SPINK2: variants seen among roughly 807,000 people sequenced by gnomAD.
SPINK2 encodes the protein serine peptidase inhibitor Kazal type 2, also known as serine protease inhibitor Kazal-type 2.
Under a neutral mutation model 13.5 loss-of-function variants are expected in SPINK2, and 8 were observed. The observed-to-expected ratio is 0.59, with a 90% CI of 0.35 to 1.07. The LOEUF (loss-of-function observed/expected upper bound fraction) is 1.07. SPINK2 is among the 50% of genes least tolerant of loss of function. SPINK2 has a pLI of 0.02. For synonymous variants in SPINK2, 76 were observed against 74.7 expected, an observed-to-expected ratio of 1.02 and a Z score of -0.09; for missense variants, 148 against 180.3, an observed-to-expected ratio of 0.82 and a Z score of 1.03.
chr4:56,810,975 TAG>T (rs2308295), intron 3 of SPINK2, among the ~76,000 whole-genome samples: 11,364 of 152,234 alleles, frequency 0.075, 663 homozygotes, highest in South Asian at 0.29. Flanking sequence ...CTTAGCATTC[TAG>T]ACTAAGCAGA....
At position 56,821,607 on chromosome 4, in the gene SPINK2, C is replaced by T. The variant is rs1238039592; in HGVS notation, c.56G>A (p.Gly19Asp). 1.1e-5 allele frequency: 17 copies of T among 1,549,526 alleles called. No homozygotes were observed. The highest frequency in any genetic ancestry group is 1.4e-5 in the Non-Finnish European group (16 of 1,147,508). The stretch of plus-strand genomic sequence containing the variant: ...CTCGCCAGGACCGCTCCGAGCGCTA[C>T]CTGCGAAGGTAACTGCCAGGAGCAG... ...ALLLLAVTFA[G>D]SARSGPGERG... Residue 19 changes from glycine to aspartate, a missense_variant, in exon 1 of 4, where the codon GGT becomes GAT. Coordinates refer to ENST00000506738, the MANE Select transcript of SPINK2 (RefSeq NM_001271718.2).
Position 56,821,559 on chromosome 4 carries a change from C to T in SPINK2, c.104G>A (p.Gly35Glu). 3 of 1,547,694 alleles carry T rather than the reference C, an allele frequency of 1.9e-6. No homozygotes were observed. The highest frequency in any genetic ancestry group is 1.2e-5 in the South Asian group (1 of 83,900). Residue 35 changes from glycine to glutamate, a missense_variant, in exon 1 of 4, where the codon GGG becomes GAG. By Grantham distance (98) the Gly-to-Glu change is moderately conservative (BLOSUM62 -2). Transcript: ENST00000506738. ...PGERGPPEKS[G>E]FGSQTGGGPC... Reference sequence around the variant, plus strand: ...TCCGCCGCCGGTCTGACTCCCAAACCCGCTTTTCTCCGGAGGTCCCCGCTC... The same window carrying T: ...TCCGCCGCCGGTCTGACTCCCAAACTCGCTTTTCTCCGGAGGTCCCCGCTC...
intron 2 of SPINK2, among the ~76,000 whole-genome samples, chr4:56,813,468 C>G (rs1045137507): frequency 2.0e-5 from 3 of 152,094 alleles, no homozygotes; most frequent in African/African-American, 7.2e-5. Flanking sequence ...ACTGGGCCTC[C>G]TGTTAGGAGG....
intron 2 of SPINK2, among the ~76,000 whole-genome samples, chr4:56,815,426 A>G (rs909219426): frequency 3.3e-5 from 5 of 152,116 alleles, no homozygotes; most frequent in Admixed American, 2.0e-4. Flanking sequence ...CAAAGATGAC[A>G]GAGGGGCTCA....
chr4:56,812,059 C>T (rs1312862049), intron 2 of SPINK2, among the ~76,000 whole-genome samples: 1 of 151,054 alleles, frequency 6.6e-6, no homozygotes, highest in African/African-American at 2.4e-5. Flanking sequence ...CTCCATGCCG[C>T]TAATTTTTGT....
intron 2 of SPINK2, among the ~76,000 whole-genome samples, chr4:56,817,727 G>A (rs1028477486): frequency 1.3e-5 from 2 of 151,938 alleles, no homozygotes; most frequent in East Asian, 1.9e-4. Flanking sequence ...GGCAGTGCAC[G>A]CCTGTAATCC....
intron 3 of SPINK2, 43 bp from the exon 4 acceptor site, chr4:56,810,227 T>C (rs746728344): frequency 6.6e-7 from 1 of 1,519,898 alleles, no homozygotes; most frequent in Admixed American, 1.8e-5. Flanking sequence ...TTACCTACCA[T>C]ACTGAAACTG....
In SPINK2 at chr4:56,821,624, C is replaced by T. The variant is rs1173749106; in HGVS notation, c.39G>A (p.Leu13=). Residue 13 remains leucine (L), a synonymous_variant, in exon 1 of 4, where the codon CTG becomes CTA. Transcript: ENST00000506738. ...GAGCGCTACCTGCGAAGGTAACTGC[C>T]AGGAGCAGCAGCGCCAAGCGCAGCA... ...LSVLRLALLL[L]AVTFAGSARS... 2.1e-5 allele frequency: 33 copies of T among 1,549,138 alleles called. No homozygotes were observed. Among genetic ancestry groups the T allele is most frequent in the Non-Finnish European group, 2.8e-5 (32 of 1,147,632 alleles).
rs114989645 is a variant in SPINK2 at position 56,820,569 on chromosome 4, G to A, written c.216C>T (p.Ile72=). Residue 72 remains isoleucine (I), a synonymous_variant, in exon 2 of 4, where the codon ATC becomes ATT. Transcript: ENST00000506738. ...GSPEDLPASL[I]PQFGLFSKYR... ...ATTTTGAAAACAGACCAAATTGAGG[G>A]ATCAGAGAGGCTGTAAGAAGAAAGC... The A allele has an allele frequency of 7.2e-4, 1,156 of 1,609,610 alleles. 5 individuals are homozygous for A. The African/African-American group carries it at 0.014, about 20-fold the overall frequency.
chr4:56,813,188 T>TGGC (rs1052357053), intron 2 of SPINK2, among the ~76,000 whole-genome samples: 15 of 152,056 alleles, frequency 9.9e-5, no homozygotes, highest in African/African-American at 1.4e-4. Context: ...CTGGGGGTGG[T>TGGC]GGCGCATGCT....
chr4:56,815,691 C>T (rs111757556), intron 2 of SPINK2, among the ~76,000 whole-genome samples: 14,329 of 149,190 alleles, frequency 0.096, 935 homozygotes, highest in Middle Eastern at 0.16. Context: ...AGAGTAAGAC[C>T]GTGTCTCAAA....
chr4:56,813,019 T>C (rs1717125546), intron 2 of SPINK2, among the ~76,000 whole-genome samples: 1 of 152,190 alleles, frequency 6.6e-6, no homozygotes, highest in Non-Finnish European at 1.5e-5. Context: ...TTCCTTAATG[T>C]CATTTTAATT....
chr4:56,811,809 G>T lies in SPINK2; in HGVS notation c.250-15C>A. The T allele has an allele frequency of 1.3e-6, 2 of 1,559,428 alleles. No individual in the cohort carries two copies. The highest frequency in any genetic ancestry group is 1.7e-5 in the Admixed American group (1 of 58,426). ...GAGCAGTTTGGCTGGAAAAAAGAAAGAGAGAAATTCGAGAATGACTTGAGA... is the reference window on the plus strand; with the variant it reads ...GAGCAGTTTGGCTGGAAAAAAGAAATAGAGAAATTCGAGAATGACTTGAGA... On this transcript the variant is annotated splice_polypyrimidine_tract_variant and intron_variant, in intron 2 of 3. Transcript: ENST00000506738.
At chr4:56,814,286 C>T (rs1417786340) in intron 2 of SPINK2, among the ~76,000 whole-genome samples, 1 of 151,980 alleles carries the variant, frequency 6.6e-6, no homozygotes, top group East Asian at 1.9e-4. Flanking sequence ...CACCCCACCC[C>T]ATTCCTCAGT....
intron 1 of SPINK2, among the ~76,000 whole-genome samples, chr4:56,820,782 T>A (rs1218097587): frequency 6.6e-6 from 1 of 152,140 alleles, no homozygotes; most frequent in Non-Finnish European, 1.5e-5. Flanking sequence ...CATAAGGATG[T>A]TTTAAAATCC....
At position 56,821,695 on chromosome 4, in the gene SPINK2, G is replaced by A; in HGVS notation, c.-33C>T. On this transcript the variant is annotated 5_prime_UTR_variant, in exon 1 of 4. Coordinates refer to ENST00000506738, the MANE Select transcript of SPINK2 (RefSeq NM_001271718.2). ...CCGCGCCGGCTGTCTTGCCCCTGCGGTCTGTTACCTGCGCCACTCGCAGGG... is the reference window on the plus strand; with the variant it reads ...CCGCGCCGGCTGTCTTGCCCCTGCGATCTGTTACCTGCGCCACTCGCAGGG... 2 of 1,464,482 alleles carry A rather than the reference G, an allele frequency of 1.4e-6. No homozygotes were observed. Among genetic ancestry groups the A allele is most frequent in the South Asian group, 2.6e-5 (2 of 76,114 alleles). The allele number at this position is 1,464,482 out of a possible 1,614,324, so 90.7% of individuals were successfully genotyped here. A position where few individuals can be genotyped will look rare whatever the true frequency, so the allele number is the denominator to read the frequency against.
upstream of SPINK2, chr4:56,821,841 G>GCGTCGGGAAGAGGAT (rs1717984239): frequency 3.2e-6 from 2 of 628,450 alleles, no homozygotes; most frequent in Non-Finnish European, 5.0e-6. Context: ...GGGAAGAGGA[G>GCGTCGGGAAGAGGAT]CCGTGAAGGG....
chr4:56,811,896 T>A, intron 2 of SPINK2, 102 bp from the exon 3 acceptor site: 1 of 390,680 alleles, frequency 2.6e-6, no homozygotes, highest in African/African-American at 2.1e-5. Context: ...TTTCCTAGAA[T>A]CATTTAATAA....
chr4:56,813,642 A>G (rs1294622017), intron 2 of SPINK2, among the ~76,000 whole-genome samples: 4 of 150,114 alleles, frequency 2.7e-5, no homozygotes, highest in Non-Finnish European at 4.4e-5. Flanking sequence ...TTTGAGACAG[A>G]GTTTTGCTCT....
Sources: allele counts gnomAD v4.1 joint callset (sites outside exome capture counted in the v4.1 genomes callset), GRCh38; gene constraint gnomAD v4.1.1; transcripts MANE v1.5; gene names NCBI Gene and HGNC (gene_info 2026-07-23, HGNC 2026-07-21).